Variants in DLC1 observed in about 807,000 individuals in gnomAD.
DLC1 encodes rho GTPase-activating protein 7.
DLC1 carries 54 observed loss-of-function variants against 140.3 expected under a neutral mutation model. The observed-to-expected ratio is 0.38, with a 90% CI of 0.31 to 0.48. The LOEUF (loss-of-function observed/expected upper bound fraction) is 0.48. DLC1 is among the 20% of genes least tolerant of loss of function. The pLI is 0.96. For synonymous variants in DLC1, 986 were observed against 728.1 expected (o/e 1.35, Z -5.70); for missense variants, 2,536 against 1,907.0 (o/e 1.33, Z -6.14).
intron 12 of DLC1, among the ~76,000 whole-genome samples, chr8:13,093,670 C>A (rs1818272241): frequency 6.6e-6 from 1 of 152,118 alleles, no homozygotes. Context: ...CAGCACATAA[C>A]AAATACCTCG....
At chr8:13,305,079 T>G (rs989198232) in intron 5 of DLC1, 190 bp downstream of exon 5, 32 of 1,269,838 alleles carry the variant, frequency 2.5e-5, no homozygotes, top group Non-Finnish European at 4.0e-6. Context: ...ACAATGTCAT[T>G]ATGTCAGAAA....
chr8:13,434,757 C>A (rs1839040336), intron 2 of DLC1, among the ~76,000 whole-genome samples: 2 of 152,308 alleles, frequency 1.3e-5, no homozygotes, highest in African/African-American at 4.8e-5. Context: ...TGGCTTACTG[C>A]AGCCTCAAAC....
In DLC1 at chr8:13,094,934, C is replaced by T. The variant is rs1460418151; in HGVS notation, c.3351G>A (p.Gly1117=). Residue 1117 remains glycine, a synonymous_variant, in exon 12 of 18, where the codon GGG becomes GGA. Coordinates refer to ENST00000276297, the MANE Select transcript of DLC1 (RefSeq NM_182643.3). ...GCAGAGCCTGAATCCGGGACTTGAC[C>T]CCCGATTTTCTGAAGAGCCCAACCT... ...LDQVGLFRKS[G]VKSRIQALRQ... 9 of 1,614,068 alleles carry T rather than the reference C, an allele frequency of 5.6e-6. No individual in the cohort carries two copies. In the East Asian group the frequency reaches 1.6e-4, roughly 28 times the overall value.
chr8:13,434,618 C>G (rs1390883994), intron 2 of DLC1, among the ~76,000 whole-genome samples: 2 of 152,160 alleles, frequency 1.3e-5, no homozygotes, highest in East Asian at 3.9e-4. Context: ...TTCATGCCTG[C>G]TAACACCACA....
At chr8:13,133,160 A>G in intron 5 of DLC1, 2 of 1,442,084 alleles carry the variant, frequency 1.4e-6, no homozygotes, top group Non-Finnish European at 1.8e-6. Flanking sequence ...GGGGTTTTCT[A>G]AAGATCGAAA....
intron 1 of DLC1, among the ~76,000 whole-genome samples, chr8:13,593,117 C>T (rs371715229): frequency 1.8e-4 from 28 of 152,218 alleles, no homozygotes; most frequent in African/African-American, 5.8e-4. Context: ...CACCTCACCC[C>T]ACCCAATCTA....
chr8:13,558,003 C>T (rs904433910), intron 1 of DLC1: 44 of 152,126 alleles, frequency 2.9e-4, no homozygotes, highest in African/African-American at 9.9e-4. Context: ...AGTTCATTGG[C>T]ACTAGTAAAA....
At chr8:13,302,962 G>T (rs1005936999) in intron 5 of DLC1, among the ~76,000 whole-genome samples, 1 of 152,108 alleles carries the variant, frequency 6.6e-6, no homozygotes, top group South Asian at 2.1e-4. Flanking sequence ...TGCTTAGACT[G>T]TTATGGTACT....
intron 5 of DLC1, among the ~76,000 whole-genome samples, chr8:13,196,338 T>C (rs575691793): frequency 6.6e-6 from 1 of 152,316 alleles, no homozygotes; most frequent in East Asian, 1.9e-4. Flanking sequence ...ATTGTGTATT[T>C]TTCTCTATTC....
intron 4 of DLC1, among the ~76,000 whole-genome samples, chr8:13,369,270 G>C (rs1441272328): frequency 6.8e-6 from 1 of 146,844 alleles, no homozygotes; most frequent in African/African-American, 2.5e-5. Flanking sequence ...GAATTTGGTT[G>C]AACTTCTAAT....
At chr8:13,090,220 C>A (rs1563565860) in intron 15 of DLC1, 32 bp downstream of exon 15, 2 of 1,598,050 alleles carry the variant, frequency 1.3e-6, no homozygotes, top group East Asian at 2.2e-5. Flanking sequence ...GACTCCTGGA[C>A]TCAACTAGCC....
At chr8:13,385,835 C>T (rs942250163) in intron 4 of DLC1, among the ~76,000 whole-genome samples, 5 of 152,036 alleles carry the variant, frequency 3.3e-5, no homozygotes, top group African/African-American at 1.2e-4. Flanking sequence ...CCATCAAATG[C>T]CTGGGACAGA....
rs544877863 is a variant in DLC1, at chr8:13,089,065, C to G, written c.4075-361G>C. Among the ~76,000 whole-genome samples the G allele has an allele frequency of 1.2e-3, 188 of 151,946 alleles. 1 individual carries two copies. The highest frequency in any genetic ancestry group is 4.2e-3 in the African/African-American group (173 of 41,444). On this transcript the variant is annotated intron_variant, in intron 15 of 17. Transcript: ENST00000276297. ...TCTGAGGTCAGGAGTTCAAGACCAG[C>G]CTGGCCAACATGGTGAAACCCTGTC...
At chr8:13,512,071 T>C (rs1432712205) in intron 1 of DLC1, among the ~76,000 whole-genome samples, 1 of 152,116 alleles carries the variant, frequency 6.6e-6, no homozygotes, top group Non-Finnish European at 1.5e-5. Flanking sequence ...GTGCTATCTT[T>C]TACTAGGCCT....
chr8:13,462,332 C>T (rs78683910), intron 2 of DLC1, among the ~76,000 whole-genome samples: 13 of 151,608 alleles, frequency 8.6e-5, no homozygotes, highest in African/African-American at 2.4e-4. Context: ...CACCTGGGAA[C>T]TTTTCTTTTG....
chr8:13,552,575 G>T (rs1402542904), intron 1 of DLC1, among the ~76,000 whole-genome samples: 1 of 151,378 alleles, frequency 6.6e-6, no homozygotes, highest in African/African-American at 2.4e-5. Flanking sequence ...CTGTTGGGCA[G>T]TTATATAAAT....
At chr8:13,441,860 A>C (rs977960006) in intron 2 of DLC1, among the ~76,000 whole-genome samples, 2 of 152,058 alleles carry the variant, frequency 1.3e-5, no homozygotes, top group African/African-American at 4.8e-5. Context: ...AAAAAACTAA[A>C]GTTCATATGG....
intron 10 of DLC1, chr8:13,096,017 C>T (rs1016750964): frequency 6.6e-6 from 1 of 152,238 alleles, no homozygotes; most frequent in African/African-American, 2.4e-5. Flanking sequence ...CCAGGTCCAC[C>T]CCAGCACTAT....
intron 4 of DLC1, among the ~76,000 whole-genome samples, chr8:13,305,563 T>G (rs886522220): frequency 6.6e-6 from 1 of 152,134 alleles, no homozygotes; most frequent in Non-Finnish European, 1.5e-5. Flanking sequence ...ATAGGCTGGG[T>G]GTGGTGGTTC....
Sources: gnomAD v4.1 joint callset for allele counts (sites outside exome capture counted in the v4.1 genomes callset) on GRCh38, gnomAD v4.1.1 for gene constraint, MANE v1.5 for transcripts, NCBI Gene and HGNC (gene_info 2026-07-23, HGNC 2026-07-21) for gene names.